The following CYLC2 variants were observed in gnomAD, a reference collection of about 807,000 sequenced individuals.
CYLC2 encodes cylicin 2.
CYLC2 carries 30 observed loss-of-function variants against 26.1 expected under a neutral mutation model. The ratio of observed to expected loss-of-function variants is 1.15; its 90% CI spans 0.86 to 1.56. The LOEUF (loss-of-function observed/expected upper bound fraction) is 1.56. Among genes scored for constraint, CYLC2 ranks in the 40% most tolerant of loss-of-function variants. The pLI is 0.00. For synonymous variants in CYLC2, 158 were observed against 132.8 expected (o/e 1.19, Z -1.31); for missense variants, 498 against 394.4 (o/e 1.26, Z -2.23).
chr9:103,011,456 G>C (rs1335309588), intron 5 of CYLC2, among the ~76,000 whole-genome samples: 2 of 152,064 alleles, frequency 1.3e-5, no homozygotes, highest in African/African-American at 4.8e-5. Flanking sequence ...AGGAACTTAA[G>C]CTATTTCTAT....
chr9:103,012,518 T>G (rs1178528001), intron 6 of CYLC2, among the ~76,000 whole-genome samples: 3 of 152,018 alleles, frequency 2.0e-5, no homozygotes, highest in Admixed American at 2.0e-4. Context: ...TTATAATTAT[T>G]CTTTTTTAAA....
At chr9:103,013,175 T>TATTTAATATATTATATAAATATAC (rs1238406704) in intron 6 of CYLC2, among the ~76,000 whole-genome samples, 3 of 132,214 alleles carry the variant, frequency 2.3e-5, no homozygotes, top group African/African-American at 8.3e-5. Context: ...TATAAATATA[T>TATTTAATATATTATATAAATATAC]ATTTAATATA....
Position 103,005,609 on chromosome 9 carries a change from T to G in CYLC2, c.978T>G (p.Asp326Glu). The change falls in exon 5 of 8, where the codon GAT (aspartate) becomes GAG (glutamate). Residue 326 changes from aspartate to glutamate, a missense_variant. By Grantham distance (45) the Asp-to-Glu change is conservative. Transcript: ENST00000374798. ...ATGCAAAGAAAAATGCTAAGAAGGATGCAAAGAAGGATGCAAAGAAGAATG... is the reference window on the plus strand; with the variant it reads ...ATGCAAAGAAAAATGCTAAGAAGGAGGCAAAGAAGGATGCAAAGAAGAATG... ...KKDAKKNAKK[D>E]AKKDAKKNAK... is the part of the protein sequence containing the mutation. The G allele has an allele frequency of 1.2e-6, 2 of 1,608,662 alleles. No individual in the cohort carries two copies. The highest frequency in any genetic ancestry group is 1.1e-5 in the South Asian group (1 of 90,924).
chr9:103,013,177 T>TTTAATATATTATATAAATATATA (rs1483371969), intron 6 of CYLC2, among the ~76,000 whole-genome samples: 1 of 132,036 alleles, frequency 7.6e-6, no homozygotes, highest in Non-Finnish European at 1.6e-5. Flanking sequence ...TAAATATATA[T>TTTAATATATTATATAAATATATA]TTAATATATT....
At chr9:103,008,758 T>G (rs1338432407) in intron 5 of CYLC2, among the ~76,000 whole-genome samples, 2 of 152,162 alleles carry the variant, frequency 1.3e-5, no homozygotes, top group Non-Finnish European at 2.9e-5. Context: ...CTACCACTTC[T>G]GTACACTAAA....
Position 102,995,341 on chromosome 9 carries a change from C to A in CYLC2, c.-40C>A. The A allele has an allele frequency of 6.4e-7, 1 of 1,563,612 alleles. No individual in the cohort carries two copies. Among genetic ancestry groups the A allele is most frequent in the Non-Finnish European group, 8.8e-7 (1 of 1,135,376 alleles). ...CACCTTTCAACATCACCAGTTTGAA[C>A]TTACAATACTTAAGTCCTGGCAAGT... is the stretch of plus-strand genomic sequence containing the variant. On this transcript the variant is annotated 5_prime_UTR_variant, in exon 1 of 8. Transcript: ENST00000374798.
In CYLC2 at chr9:103,011,947, CTTTTTTTTTTTTTTTTT is replaced by C. The variant is rs776460013; in HGVS notation, c.*701-24_*701-8del. 1 of 64,078 alleles carries C rather than the reference CTTTTTTTTTTTTTTTTT, an allele frequency of 1.6e-5. No homozygotes were observed. The highest frequency in any genetic ancestry group is 2.8e-5 in the Non-Finnish European group (1 of 35,330). 4.0% of individuals were successfully genotyped at this position (64,078 alleles called of 1,614,324 possible). A position where few individuals can be genotyped will look rare whatever the true frequency, so the allele number is the denominator to read the frequency against. ...AACTTGCTAATACTTAGATCATTCTCTTTTTTTTTTTTTTTTTTTTTTTTTTTGATCGAGTCTCGCTC... is the reference window on the plus strand; with the variant it reads ...AACTTGCTAATACTTAGATCATTCTCTTTTTTTTTTGATCGAGTCTCGCTC... On this transcript the variant is annotated intron_variant, in intron 5 of 7. Transcript: ENST00000374798.
chr9:103,012,704 T>C (rs998694138), intron 6 of CYLC2, among the ~76,000 whole-genome samples: 1 of 151,946 alleles, frequency 6.6e-6, no homozygotes, highest in African/African-American at 2.4e-5. Context: ...GGCAAACATA[T>C]AAACAGAAAC....
Position 103,005,138 on chromosome 9 carries a change from G to A in CYLC2, c.507G>A (p.Glu169=). The change falls in exon 5 of 8, where the codon GAG becomes GAA. Residue 169 remains glutamate (E), a synonymous_variant. Transcript: ENST00000374798. ...KDSKKGKKDA[E]KGKDSATESE... is the part of the protein sequence containing the mutation. ...GCAAAAAAGGTAAAAAGGATGCAGA[G>A]AAGGGCAAAGACTCAGCAACAGAAT... The A allele has an allele frequency of 6.2e-7, 1 of 1,607,466 alleles. No homozygotes were observed.
In CYLC2 at chr9:103,013,382, A is replaced by G. The variant is rs192953309; in HGVS notation, c.*816+1285A>G. Among the ~76,000 whole-genome samples the G allele has an allele frequency of 5.2e-3, 562 of 107,638 alleles. 18 individuals are homozygous for G. Among genetic ancestry groups the G allele is most frequent in the African/African-American group, 0.021 (540 of 25,122 alleles). 70.6% of individuals were successfully genotyped at this position (107,638 alleles called of 152,430 possible). A position where few individuals can be genotyped will look rare whatever the true frequency, so the allele number is the denominator to read the frequency against. On this transcript the variant is annotated intron_variant, in intron 6 of 7. Transcript: ENST00000374798. ...TATAAATATATATTTAATATATTAT[A>G]TAAATATATATTATATAAATATATA...
chr9:103,014,925 AT>A (rs1396277812), intron 6 of CYLC2, among the ~76,000 whole-genome samples: 1 of 140,058 alleles, frequency 7.1e-6, no homozygotes, highest in Non-Finnish European at 1.5e-5. Flanking sequence ...CATAATATGT[AT>A]ATTATGTAGT....
Position 103,003,214 on chromosome 9 carries a change from G to A in CYLC2, c.131G>A (p.Gly44Glu). ...ALLFPKPQRP[G>E]TKRRSKPSQI... is the part of the protein sequence containing the mutation. ...TTATTTCCCAAACCACAACGGCCAG[G>A]AACCAAAAGGAGATCAAAACCTTCT... is the stretch of plus-strand genomic sequence containing the variant. The change falls in exon 3 of 8, where the codon GGA becomes GAA. Residue 44 changes from glycine to glutamate, a missense_variant. Coordinates refer to ENST00000374798, the MANE Select transcript of CYLC2 (RefSeq NM_001340.5). The A allele has an allele frequency of 6.2e-7, 1 of 1,613,772 alleles. No individual in the cohort carries two copies. The highest frequency in any genetic ancestry group is 1.7e-4 in the Middle Eastern group (1 of 6,056).
At position 103,016,869 on chromosome 9, in the gene CYLC2, A is replaced by C. The variant is rs552074907; in HGVS notation, c.*817-19A>C. On this transcript the variant is annotated intron_variant, in intron 6 of 7. Transcript: ENST00000374798. ...AAATAATTCATCTACATAAGAGATA[A>C]ACTTTTTGTTTTTGAAAGGGAAGGA... 1 of 152,090 alleles carries C rather than the reference A, an allele frequency of 6.6e-6. No individual in the cohort carries two copies. Among genetic ancestry groups the C allele is most frequent in the East Asian group, 1.9e-4 (1 of 5,172 alleles). 9.4% of individuals were successfully genotyped at this position (152,090 alleles called of 1,614,324 possible). A position where few individuals can be genotyped will look rare whatever the true frequency, so the allele number is the denominator to read the frequency against.
chr9:102,996,220 G>A (rs943331854), intron 1 of CYLC2, among the ~76,000 whole-genome samples: 6 of 151,760 alleles, frequency 4.0e-5, no homozygotes, highest in African/African-American at 9.7e-5. Flanking sequence ...TTTGGTAAAG[G>A]TTTAAATGCA....
intron 2 of CYLC2, 46 bp from the exon 3 acceptor site, chr9:103,003,096 G>T: frequency 6.2e-7 from 1 of 1,602,078 alleles, no homozygotes; most frequent in Non-Finnish European, 8.5e-7. Context: ...AGCTCTGATG[G>T]AATTCTATTC....
chr9:103,002,662 T>G (rs944986324), intron 2 of CYLC2, among the ~76,000 whole-genome samples: 4 of 152,136 alleles, frequency 2.6e-5, no homozygotes, highest in Admixed American at 6.5e-5. Flanking sequence ...GCATTTACTC[T>G]TGTAGCTTGG....
chr9:103,003,210 C>T lies in CYLC2; in HGVS notation c.127C>T (p.Pro43Ser), dbSNP rs770915404. 4.3e-6 allele frequency: 7 copies of T among 1,613,756 alleles called. No homozygotes were observed. Among genetic ancestry groups the T allele is most frequent in the East Asian group, 2.2e-5 (1 of 44,826 alleles). ...FALLFPKPQR[P>S]GTKRRSKPSQ... ...CCTGTTATTTCCCAAACCACAACGG[C>T]CAGGAACCAAAAGGAGATCAAAACC... Residue 43 changes from proline (P) to serine (S), a missense_variant, in exon 3 of 8, where the codon CCA (proline) becomes TCA (serine). By Grantham distance (74) the Pro-to-Ser change is moderately conservative (BLOSUM62 -1). Transcript: ENST00000374798.
At chr9:102,999,540 G>C (rs1438146040) in intron 1 of CYLC2, among the ~76,000 whole-genome samples, 1 of 151,136 alleles carries the variant, frequency 6.6e-6, no homozygotes, top group Non-Finnish European at 1.5e-5. Context: ...TCTTTGCCTT[G>C]TTTCTGATTT....
chr9:103,008,957 C>G (rs1829378858), intron 5 of CYLC2, among the ~76,000 whole-genome samples: 1 of 152,124 alleles, frequency 6.6e-6, no homozygotes, highest in African/African-American at 2.4e-5. Context: ...TTTGCTCTGG[C>G]TTATAATGCA....
Sources: gnomAD v4.1 joint callset for allele counts (sites outside exome capture counted in the v4.1 genomes callset) on GRCh38, gnomAD v4.1.1 for gene constraint, MANE v1.5 for transcripts, NCBI Gene and HGNC (gene_info 2026-07-23, HGNC 2026-07-21) for gene names.